Variants in LYRM4 observed in about 807,000 individuals in gnomAD.
LYRM4 encodes the protein LYR motif-containing protein 4.
Under a neutral mutation model 11.7 loss-of-function variants are expected in LYRM4, and 9 were observed. The ratio of observed to expected loss-of-function variants is 0.77; its 90% CI spans 0.46 to 1.34. LYRM4 has a LOEUF of 1.34. Among genes scored for constraint, LYRM4 ranks in the 40% most tolerant of loss-of-function variants. The pLI is 0.00. For synonymous variants in LYRM4, 42 were observed against 40.4 expected, an observed-to-expected ratio of 1.04 and a Z score of -0.15; for missense variants, 133 against 112.5, an observed-to-expected ratio of 1.18 and a Z score of -0.82.
intron 2 of LYRM4, among the ~76,000 whole-genome samples, chr6:5,208,088 G>C (rs977759219): frequency 2.0e-5 from 3 of 152,150 alleles, no homozygotes; most frequent in Non-Finnish European, 2.9e-5. Flanking sequence ...AAAAAATGAG[G>C]ATAAGAGTTC....
chr6:5,075,135 G>A, the LYRM4 span, among the ~76,000 whole-genome samples: 4 of 152,250 alleles, frequency 2.6e-5, no homozygotes, highest in African/African-American at 9.6e-5. Context: ...AAGCCAAGCA[G>A]ATGCCAGTGT....
intron 1 of LYRM4, among the ~76,000 whole-genome samples, chr6:5,260,094 T>G (rs1374910858): frequency 6.6e-6 from 1 of 152,202 alleles, no homozygotes; most frequent in Non-Finnish European, 1.5e-5. Context: ...GCTCCAAAGC[T>G]TGTGAGACCC....
chr6:5,186,675 T>C (rs1760412576), intron 2 of LYRM4: 1 of 985,550 alleles, frequency 1.0e-6, no homozygotes, highest in Middle Eastern at 5.2e-4. Context: ...TGAAGTGAAA[T>C]GTAACTACAT....
chr6:5,122,632 C>G (rs570242418), intron 2 of LYRM4, among the ~76,000 whole-genome samples: 1 of 152,160 alleles, frequency 6.6e-6, no homozygotes, highest in Non-Finnish European at 1.5e-5. Context: ...TCTCGCCGAC[C>G]CAGTGCTTTC....
At chr6:5,089,537 TCAAA>T in the LYRM4 span, 6 of 152,208 alleles carry the variant, frequency 3.9e-5, no homozygotes, top group African/African-American at 1.2e-4. Flanking sequence ...AAATCTGGAC[TCAAA>T]CAAGAGAAAT....
At chr6:5,122,811 C>T (rs578111271) in intron 2 of LYRM4, among the ~76,000 whole-genome samples, 1 of 152,342 alleles carries the variant, frequency 6.6e-6, no homozygotes, top group East Asian at 1.9e-4. Context: ...TGCACGGTTT[C>T]CCAGTACATG....
the LYRM4 span, among the ~76,000 whole-genome samples, chr6:5,080,727 A>G: frequency 6.6e-6 from 1 of 152,172 alleles, no homozygotes; most frequent in Non-Finnish European, 1.5e-5. Flanking sequence ...GAATCCGACT[A>G]CAGGGTTTGA....
At chr6:5,101,968 C>CTTTTTTTTTT (rs397826404), downstream of LYRM4, among the ~76,000 whole-genome samples, 533 of 67,910 alleles carry the variant, frequency 7.8e-3, 119 homozygotes, top group Non-Finnish European at 0.012. Context: ...CTAATGCTTT[C>CTTTTTTTTTT]TTTTTTTTTT....
chr6:5,171,279 A>G (rs559989866), intron 2 of LYRM4, among the ~76,000 whole-genome samples: 1 of 152,238 alleles, frequency 6.6e-6, no homozygotes, highest in South Asian at 2.1e-4. Context: ...TCTACGTTAC[A>G]TCCCTCTCCA....
chr6:5,091,574 CTT>C, the LYRM4 span, among the ~76,000 whole-genome samples: 4 of 152,266 alleles, frequency 2.6e-5, no homozygotes, highest in African/African-American at 9.6e-5. Flanking sequence ...AGTTCTTTGA[CTT>C]TGGTTAACTG....
chr6:5,050,450 T>G, the LYRM4 span, among the ~76,000 whole-genome samples: 2 of 152,262 alleles, frequency 1.3e-5, no homozygotes, highest in Non-Finnish European at 2.9e-5. Context: ...TCATTTGCAC[T>G]TTTACAATCC....
chr6:5,127,043 G>C (rs952774593), intron 2 of LYRM4, among the ~76,000 whole-genome samples: 1 of 152,134 alleles, frequency 6.6e-6, no homozygotes, highest in African/African-American at 2.4e-5. Context: ...TCCGCCTTCC[G>C]GGTTCAAGCA....
intron 2 of LYRM4, among the ~76,000 whole-genome samples, chr6:5,125,791 G>A (rs904380345): frequency 6.6e-6 from 1 of 152,220 alleles, no homozygotes; most frequent in African/African-American, 2.4e-5. Context: ...AGTGAGAAAA[G>A]CTCTGGGTTT....
rs111557465 is a variant in LYRM4 at position 5,260,461 on chromosome 6, C to T, written c.86+187G>A. 0.061 allele frequency among the ~76,000 whole-genome samples: 9,348 copies of T among 152,302 alleles called. 421 individuals are homozygous for T. The highest frequency in any genetic ancestry group is 0.098 in the Non-Finnish European group (6,642 of 68,014). On this transcript the variant is annotated intron_variant, in intron 1 of 2. Transcript: ENST00000330636. ...CCCCTGGTAGAAAGAAAGGCTCCTC[C>T]CCGAGGTCTCAGAGGCCACACCTGT...
intron 2 of LYRM4, 144 bp downstream of exon 2, chr6:5,216,474 C>T: frequency 1.1e-6 from 1 of 889,830 alleles, no homozygotes. Context: ...TTCACCTTTA[C>T]ATGTCTGTAT....
At chr6:5,078,968 A>T in the LYRM4 span, among the ~76,000 whole-genome samples, 1 of 152,222 alleles carries the variant, frequency 6.6e-6, no homozygotes, top group Non-Finnish European at 1.5e-5. Context: ...TTGGCATATT[A>T]TATATGGTGT....
chr6:5,148,484 T>TCA lies in LYRM4; in HGVS notation c.208-38994_208-38993insTG, dbSNP rs1444657591. 2.7e-5 allele frequency among the ~76,000 whole-genome samples: 4 copies of TCA among 147,050 alleles called. No homozygotes were observed. In the South Asian group the frequency reaches 6.5e-4, roughly 24 times the overall value. On this transcript the variant is annotated intron_variant, in intron 2 of 2. Coordinates refer to ENST00000330636, the MANE Select transcript of LYRM4 (RefSeq NM_020408.6). ...CCTGAGCTGGGCTGAGGGGGCAGAG[T>TCA]TAGAACTCTGTATCGTAATCCTGAG...
At chr6:5,177,297 A>T (rs921750293) in intron 2 of LYRM4, among the ~76,000 whole-genome samples, 8 of 152,244 alleles carry the variant, frequency 5.3e-5, no homozygotes, top group Non-Finnish European at 1.2e-4. Context: ...CTGAACAAAG[A>T]AGTTTTCCTA....
chr6:5,134,235 A>G (rs1209337802), intron 2 of LYRM4, among the ~76,000 whole-genome samples: 105 of 152,364 alleles, frequency 6.9e-4, no homozygotes, highest in Non-Finnish European at 1.2e-4. Context: ...CAAGGCTAAG[A>G]ACCTAGTTGG....
Sources: allele counts gnomAD v4.1 joint callset (sites outside exome capture counted in the v4.1 genomes callset), GRCh38; gene constraint gnomAD v4.1.1; transcripts MANE v1.5; gene names NCBI Gene and HGNC (gene_info 2026-07-23, HGNC 2026-07-21).